The following DPY19L2 variants were observed in gnomAD, a reference collection of about 807,000 sequenced individuals.
DPY19L2 encodes probable C-mannosyltransferase DPY19L2.
Under a neutral mutation model 97.9 loss-of-function variants are expected in DPY19L2, and 34 were observed. The ratio of observed to expected loss-of-function variants is 0.35; its 90% CI spans 0.26 to 0.46. The LOEUF is 0.46. Ranked by LOEUF, DPY19L2 falls within the 20% of genes least tolerant of loss-of-function variation. The pLI, the probability that DPY19L2 is intolerant of heterozygous loss-of-function variation, is 1.00. For synonymous variants in DPY19L2, 230 were observed against 307.9 expected (o/e 0.75, Z 2.65); for missense variants, 623 against 911.4 (o/e 0.68, Z 4.07).
intron 6 of DPY19L2, among the ~76,000 whole-genome samples, chr12:63,640,876 T>C (rs1892592707): frequency 6.6e-6 from 1 of 152,090 alleles, no homozygotes; most frequent in Non-Finnish European, 1.5e-5. Flanking sequence ...ATAGAACTTA[T>C]TTATTCATTT....
At chr12:63,581,266 A>T (rs1216015106) in intron 18 of DPY19L2, among the ~76,000 whole-genome samples, 1 of 152,090 alleles carries the variant, frequency 6.6e-6, no homozygotes, top group Non-Finnish European at 1.5e-5. Flanking sequence ...CTATACACTC[A>T]TAATAAAAAC....
chr12:63,576,069 A>G (rs757521452), intron 19 of DPY19L2, among the ~76,000 whole-genome samples: 1 of 151,962 alleles, frequency 6.6e-6, no homozygotes, highest in South Asian at 2.1e-4. Context: ...ACTGAATTCA[A>G]TAACACATTA....
At position 63,668,125 on chromosome 12, in the gene DPY19L2, G is replaced by C. The variant is rs751280943; in HGVS notation, c.269C>G (p.Ala90Gly). The change falls in exon 1 of 22, where the codon GCG becomes GGG. Residue 90 changes from alanine (A) to glycine (G), a missense_variant. Ala to Gly is a moderately conservative substitution (Grantham distance 60). Transcript: ENST00000324472. Reference protein sequence around the residue: ...GPFQFVRNSLAQLREKVQELQ... With the variant: ...GPFQFVRNSLGQLREKVQELQ... ...TTCCTGCACCTTTTCCCGGAGCTGC[G>C]CCAGGGAATTACGGACGAACTGGAA... 1 of 1,613,998 alleles carries C rather than the reference G, an allele frequency of 6.2e-7. No homozygotes were observed. Among genetic ancestry groups the C allele is most frequent in the Admixed American group, 1.7e-5 (1 of 60,020 alleles).
At chr12:63,618,032 A>C (rs1340950870) in intron 10 of DPY19L2, 119 bp downstream of exon 10, 2 of 915,538 alleles carry the variant, frequency 2.2e-6, no homozygotes, top group South Asian at 1.8e-5. Context: ...GGATATCACC[A>C]ATACCATATG....
intron 16 of DPY19L2, among the ~76,000 whole-genome samples, chr12:63,589,206 G>C (rs749747992): frequency 6.6e-6 from 1 of 151,680 alleles, no homozygotes; most frequent in Non-Finnish European, 1.5e-5. Context: ...GGAAGTTCTA[G>C]CACGACAAGA....
intron 4 of DPY19L2, among the ~76,000 whole-genome samples, chr12:63,652,443 A>C (rs1009698128): frequency 6.6e-6 from 1 of 152,326 alleles, no homozygotes; most frequent in Middle Eastern, 3.4e-3. Flanking sequence ...AAGGAATATA[A>C]ATTAGCCTAC....
intron 12 of DPY19L2, among the ~76,000 whole-genome samples, chr12:63,604,779 TATG>T (rs1406083616): frequency 1.3e-5 from 2 of 152,320 alleles, no homozygotes; most frequent in East Asian, 3.9e-4. Flanking sequence ...GAAGTGTTTT[TATG>T]ATGACTGCTT....
intron 15 of DPY19L2, among the ~76,000 whole-genome samples, chr12:63,594,652 C>CGTGTG (rs1565735301): frequency 8.9e-6 from 1 of 111,886 alleles, no homozygotes; most frequent in African/African-American, 4.5e-5. Context: ...GTGTGCGTGT[C>CGTGTG]TGTGTGTGTG....
rs889019586 is a variant in DPY19L2 at position 63,588,459 on chromosome 12, GTTATAC to G, written c.1581-4629_1581-4624del. ...AAGTTCGAGAGATCGACTATAGAAT[GTTATAC>G]TTATAGTCCACAATACTGTATTATA... On this transcript the variant is annotated intron_variant, in intron 16 of 21. Coordinates refer to ENST00000324472, the MANE Select transcript of DPY19L2 (RefSeq NM_173812.5). Among the ~76,000 whole-genome samples the G allele has an allele frequency of 4.6e-5, 7 of 152,212 alleles. No individual in the cohort carries two copies. In the South Asian group the frequency reaches 6.2e-4, roughly 14 times the overall value.
At chr12:63,590,897 G>A in intron 16 of DPY19L2, 1 of 329,864 alleles carries the variant, frequency 3.0e-6, no homozygotes, top group South Asian at 2.4e-5. Flanking sequence ...TCAATACATA[G>A]ACTTCCATAT....
rs774615899 is a variant in DPY19L2, at chr12:63,668,365, C to A, written c.29G>T (p.Arg10Leu). The change falls in exon 1 of 22, where the codon CGG (arginine) becomes CTG (leucine). Residue 10 changes from arginine (R) to leucine (L), a missense_variant. Around this residue, in one of 6 missense-constraint regions of DPY19L2, gnomAD observed 144 missense variants for 119.4 expected, o/e 1.21. Transcript: ENST00000324472. MRKQGVSSK[R>L]LQSSGRSQSK... Reference sequence around the variant, plus strand: ...CTGGCTGCGGCCGGAAGATTGCAGCCGCTTTGAGCTTACTCCTTGTTTTCT... The same window carrying A: ...CTGGCTGCGGCCGGAAGATTGCAGCAGCTTTGAGCTTACTCCTTGTTTTCT... 1 of 1,613,286 alleles carries A rather than the reference C, an allele frequency of 6.2e-7. No individual in the cohort carries two copies. The highest frequency in any genetic ancestry group is 1.3e-5 in the African/African-American group (1 of 74,972).
At chr12:63,665,472 CAA>C (rs760781422) in intron 2 of DPY19L2, among the ~76,000 whole-genome samples, 13 of 94,848 alleles carry the variant, frequency 1.4e-4, no homozygotes, top group African/African-American at 2.2e-4. Context: ...GACTCTGTCT[CAA>C]AAAAAAAAAA....
chr12:63,594,869 G>T (rs1203435144), intron 15 of DPY19L2, among the ~76,000 whole-genome samples: 2 of 152,110 alleles, frequency 1.3e-5, no homozygotes, highest in Non-Finnish European at 2.9e-5. Flanking sequence ...AGCCTTAGAA[G>T]AATAATTTGA....
At chr12:63,602,199 G>GA (rs1394843884) in intron 12 of DPY19L2, among the ~76,000 whole-genome samples, 4 of 151,654 alleles carry the variant, frequency 2.6e-5, no homozygotes, top group Non-Finnish European at 4.4e-5. Flanking sequence ...CAGAAATGGG[G>GA]AAAAAAGCAG....
At chr12:63,654,002 TAAAA>T (rs918115334) in intron 4 of DPY19L2, among the ~76,000 whole-genome samples, 5 of 151,272 alleles carry the variant, frequency 3.3e-5, no homozygotes, top group African/African-American at 1.2e-4. Context: ...TAAAAAAAAA[TAAAA>T]ATAAATAAAC....
At chr12:63,646,168 C>A (rs1354755104) in intron 5 of DPY19L2, among the ~76,000 whole-genome samples, 1 of 152,180 alleles carries the variant, frequency 6.6e-6, no homozygotes, top group African/African-American at 2.4e-5. Flanking sequence ...CCCCTTACAG[C>A]ATAAGCTCTA....
Position 63,668,053 on chromosome 12 carries a change from T to C in DPY19L2, c.337+4A>G. 1 of 1,613,176 alleles carries C rather than the reference T, an allele frequency of 6.2e-7. No homozygotes were observed. The highest frequency in any genetic ancestry group is 1.1e-5 in the South Asian group (1 of 90,932). ...CTCCTAGGGCTCTCCTGCCCTCTCC[T>C]CACCGATGCCGAGAGTGGTTCTGCT... On this transcript the variant is annotated splice_donor_region_variant and intron_variant, in intron 1 of 21. Coordinates refer to ENST00000324472, the MANE Select transcript of DPY19L2 (RefSeq NM_173812.5).
At chr12:63,597,565 A>T (rs954434165) in intron 14 of DPY19L2, among the ~76,000 whole-genome samples, 6 of 152,090 alleles carry the variant, frequency 3.9e-5, no homozygotes, top group Non-Finnish European at 7.4e-5. Context: ...TGGGTCATAT[A>T]GTATGTTAAA....
intron 11 of DPY19L2, among the ~76,000 whole-genome samples, chr12:63,617,086 T>C (rs963805427): frequency 6.6e-5 from 10 of 152,196 alleles, no homozygotes; most frequent in Non-Finnish European, 1.5e-4. Flanking sequence ...TTTATGATCA[T>C]TTTTAAATAT....
Sources: gnomAD v4.1 joint callset for allele counts (sites outside exome capture counted in the v4.1 genomes callset) on GRCh38, gnomAD v4.1.1 for gene constraint, gnomAD v4.1.1 regional missense constraint, MANE v1.5 for transcripts, NCBI Gene and HGNC (gene_info 2026-07-23, HGNC 2026-07-21) for gene names.